The following CHD1L variants were observed in gnomAD, a reference collection of about 807,000 sequenced individuals.
CHD1L encodes ATP-dependent chromatin remodeler CHD1L.
In CHD1L, 118 loss-of-function variants were observed where a neutral mutation model predicts 115.9. The observed-to-expected ratio is 1.02, with a 90% CI of 0.88 to 1.19. CHD1L has a LOEUF of 1.19. Among genes scored for constraint, CHD1L ranks in the 50% most tolerant of loss-of-function variants. CHD1L has a pLI of 0.00. For synonymous variants in CHD1L, 411 were observed against 387.1 expected (o/e 1.06, Z -0.72); for missense variants, 1,179 against 1,065.3 (o/e 1.11, Z -1.49).
At chr1:147,275,781 C>CAAA (rs1678170545) in intron 13 of CHD1L, among the ~76,000 whole-genome samples, 1 of 21,392 alleles carries the variant, frequency 4.7e-5, no homozygotes, top group Non-Finnish European at 1.3e-4. Context: ...TGGAGCTAAG[C>CAAA]TAAAAAAAAA....
the CHD1L span, among the ~76,000 whole-genome samples, chr1:147,183,027 G>T: frequency 1.3e-5 from 2 of 152,010 alleles, no homozygotes; most frequent in East Asian, 3.9e-4. Flanking sequence ...ATAAAACCCC[G>T]TCTCTACTAA....
chr1:147,239,034 C>T (rs1198015349), upstream of CHD1L, among the ~76,000 whole-genome samples: 1 of 152,168 alleles, frequency 6.6e-6, no homozygotes, highest in Non-Finnish European at 1.5e-5. Context: ...ATCCGCAGTT[C>T]CCAGGAATTC....
At chr1:147,270,457 C>T (rs1319230402) in intron 10 of CHD1L, among the ~76,000 whole-genome samples, 1 of 152,072 alleles carries the variant, frequency 6.6e-6, no homozygotes. Flanking sequence ...TTTACACCCC[C>T]AAACAGGGCA....
rs781822641 is a variant in CHD1L at position 147,292,391 on chromosome 1, A to C, written c.2391+839A>C. On this transcript the variant is annotated intron_variant, in intron 20 of 22. Transcript: ENST00000369258. ...GGGATGCCTGTAGTGAGTTTGATTT[A>C]CCCCACCTACCTGGCTTTCTCCAAG... Among the ~76,000 whole-genome samples the C allele has an allele frequency of 1.3e-3, 200 of 152,108 alleles. 3 individuals are homozygous for C. Among genetic ancestry groups the C allele is most frequent in the Non-Finnish European group, 3.5e-4 (24 of 68,016 alleles).
chr1:147,191,168 G>T, the CHD1L span, among the ~76,000 whole-genome samples: 5 of 152,150 alleles, frequency 3.3e-5, no homozygotes, highest in Admixed American at 1.3e-4. Flanking sequence ...CTTTATAGCA[G>T]CATGATTTAT....
the CHD1L span, chr1:147,187,117 T>A: frequency 3.1e-6 from 5 of 1,614,080 alleles, no homozygotes; most frequent in Non-Finnish European, 4.2e-6. Context: ...CAGTAATAAG[T>A]GTAATGCCAG....
chr1:147,292,596 CTT>C (rs1685953803), intron 20 of CHD1L, among the ~76,000 whole-genome samples: 1 of 152,118 alleles, frequency 6.6e-6, no homozygotes, highest in South Asian at 2.1e-4. Context: ...TTTGCTCATG[CTT>C]CTGCATGCTG....
chr1:147,253,227 C>T (rs374706185), intron 2 of CHD1L, among the ~76,000 whole-genome samples: 22 of 152,076 alleles, frequency 1.4e-4, no homozygotes, highest in Non-Finnish European at 1.3e-4. Context: ...TCCTTAAATT[C>T]TTGCTAGAAT....
chr1:147,229,185 A>G, the CHD1L span, among the ~76,000 whole-genome samples: 1 of 152,074 alleles, frequency 6.6e-6, no homozygotes, highest in African/African-American at 2.4e-5. Context: ...TTAATTTTTT[A>G]TAAGGTGTAA....
intron 3 of CHD1L, among the ~76,000 whole-genome samples, 174 bp from the exon 4 acceptor site, chr1:147,255,639 G>A (rs587596974): frequency 1.1e-4 from 16 of 152,144 alleles, no homozygotes; most frequent in Admixed American, 6.5e-4. Context: ...ATAGGAACTC[G>A]CTCTGAGGTT....
intron 12 of CHD1L, chr1:147,272,533 C>G: frequency 6.4e-6 from 2 of 311,212 alleles, no homozygotes; most frequent in Non-Finnish European, 1.2e-5. Flanking sequence ...GACCATTGAC[C>G]TGGGAATGTC....
chr1:147,256,468 T>A (rs782039389), intron 4 of CHD1L, 63 bp from the exon 5 acceptor site: 1 of 1,418,812 alleles, frequency 7.0e-7, no homozygotes, highest in Non-Finnish European at 9.9e-7. Flanking sequence ...CACAGAAAAC[T>A]AGCTTATCAA....
chr1:147,186,972 C>T, the CHD1L span: 6 of 1,614,174 alleles, frequency 3.7e-6, no homozygotes, highest in East Asian at 8.9e-5. Flanking sequence ...TTGTTGAAGT[C>T]ATAGAACTAC....
At chr1:147,256,448 TAAGA>T in intron 4 of CHD1L, 79 bp from the exon 5 acceptor site, 1 of 1,237,716 alleles carries the variant, frequency 8.1e-7, no homozygotes, top group Non-Finnish European at 1.2e-6. Context: ...TCCTATAGTT[TAAGA>T]GAGTTCACAG....
the CHD1L span, chr1:147,210,837 A>G: frequency 5.9e-5 from 9 of 152,220 alleles, no homozygotes; most frequent in African/African-American, 1.9e-4. Context: ...ACATTTACAA[A>G]TCAGATTTAT....
intron 15 of CHD1L, among the ~76,000 whole-genome samples, chr1:147,280,490 T>A (rs782489254): frequency 1.3e-5 from 2 of 152,290 alleles, no homozygotes; most frequent in East Asian, 1.9e-4. Flanking sequence ...TGCAAACATC[T>A]TCTTCTTTAT....
At chr1:147,188,522 C>CAAAAAAAAAAAAAAAAAAAAAAAAAAA in the CHD1L span, among the ~76,000 whole-genome samples, 1 of 61,252 alleles carries the variant, frequency 1.6e-5, no homozygotes, top group Non-Finnish European at 3.1e-5. Context: ...GACCCCATAT[C>CAAAAAAAAAAAAAAAAAAAAAAAAAAA]AAAAAAAAAA....
chr1:147,232,533 C>T, the CHD1L span, among the ~76,000 whole-genome samples: 10 of 152,136 alleles, frequency 6.6e-5, no homozygotes, highest in Admixed American at 6.5e-4. Context: ...TTTCCATGGT[C>T]TCCCTGTGAT....
chr1:147,253,657 C>G (rs1300750423), intron 2 of CHD1L, among the ~76,000 whole-genome samples: 4 of 152,272 alleles, frequency 2.6e-5, no homozygotes, highest in African/African-American at 9.6e-5. Flanking sequence ...CCACCATGCA[C>G]AGCTTATTTT....
Sources: gnomAD v4.1 joint callset for allele counts (sites outside exome capture counted in the v4.1 genomes callset) on GRCh38, gnomAD v4.1.1 for gene constraint, MANE v1.5 for transcripts, NCBI Gene and HGNC (gene_info 2026-07-23, HGNC 2026-07-21) for gene names.